The following TP63 variants were observed in gnomAD, a reference collection of about 807,000 sequenced individuals.
TP63 encodes tumor protein p63, also known as tumor protein 63.
In TP63, 17 loss-of-function variants were observed where a neutral mutation model predicts 82.8. The observed-to-expected ratio is 0.21, with a 90% CI of 0.14 to 0.31. The LOEUF is 0.31. Among genes scored for constraint, TP63 ranks in the 10% least tolerant of loss-of-function variants. TP63 has a pLI of 1.00. For synonymous variants in TP63, 330 were observed against 321.7 expected (o/e 1.03, Z -0.28); for missense variants, 648 against 895.3 (o/e 0.72, Z 3.52).
intron 10 of TP63, chr3:189,880,998 TC>T (rs1719850235): frequency 2.0e-6 from 2 of 985,256 alleles, no homozygotes; most frequent in Non-Finnish European, 2.4e-6. Flanking sequence ...GAAAGACAAA[TC>T]CACCCCAGTA....
intron 3 of TP63, among the ~76,000 whole-genome samples, chr3:189,767,722 G>C (rs1723054794): frequency 6.6e-6 from 1 of 152,086 alleles, no homozygotes; most frequent in South Asian, 2.1e-4. Flanking sequence ...TTGTCTGATA[G>C]ACAATAGAAA....
chr3:189,625,818 A>G, the TP63 span, among the ~76,000 whole-genome samples: 1 of 152,146 alleles, frequency 6.6e-6, no homozygotes, highest in Non-Finnish European at 1.5e-5. Context: ...ACAGCTGTTC[A>G]GGGATGTCTG....
chr3:189,805,160 C>T (rs1430242872), intron 3 of TP63, among the ~76,000 whole-genome samples: 1 of 152,186 alleles, frequency 6.6e-6, no homozygotes, highest in African/African-American at 2.4e-5. Flanking sequence ...CCAAAGGACT[C>T]TTGTGACTCC....
At chr3:189,686,942 G>T (rs1199754605) in intron 1 of TP63, among the ~76,000 whole-genome samples, 1 of 151,980 alleles carries the variant, frequency 6.6e-6, no homozygotes, top group African/African-American at 2.4e-5. Flanking sequence ...TATTGGTCAG[G>T]CTGGTCTTGA....
chr3:189,633,108 T>C (rs1560072781), intron 1 of TP63, among the ~76,000 whole-genome samples: 1 of 152,060 alleles, frequency 6.6e-6, no homozygotes, highest in Non-Finnish European at 1.5e-5. Context: ...CCTATAAATA[T>C]AAAGAAATAG....
chr3:189,643,830 T>G (rs1000808642), intron 1 of TP63, among the ~76,000 whole-genome samples: 1 of 152,184 alleles, frequency 6.6e-6, no homozygotes, highest in Non-Finnish European at 1.5e-5. Context: ...TATCATATTT[T>G]TTAGACAACA....
chr3:189,894,147 C>T (rs929441602), intron 13 of TP63, 59 bp from the exon 14 acceptor site: 3 of 1,603,788 alleles, frequency 1.9e-6, no homozygotes, highest in African/African-American at 2.7e-5. Flanking sequence ...ATGCTGTGGA[C>T]TAAATGTCCG....
intron 1 of TP63, among the ~76,000 whole-genome samples, chr3:189,734,014 G>C (rs879746219): frequency 2.0e-5 from 3 of 151,696 alleles, no homozygotes; most frequent in Non-Finnish European, 4.4e-5. Context: ...TAGAGACATA[G>C]TTTTCTTCCT....
chr3:189,701,720 A>G (rs2108740707), intron 1 of TP63, among the ~76,000 whole-genome samples: 1 of 151,984 alleles, frequency 6.6e-6, no homozygotes, highest in East Asian at 1.9e-4. Context: ...ATGTTCTGAT[A>G]AGGCGCTCCA....
intron 1 of TP63, among the ~76,000 whole-genome samples, chr3:189,644,612 T>G (rs1049848255): frequency 6.6e-6 from 1 of 152,158 alleles, no homozygotes; most frequent in African/African-American, 2.4e-5. Flanking sequence ...TCTGGGATTC[T>G]GGTGCACCCA....
chr3:189,889,543 G>T lies in TP63; in HGVS notation c.1652+59G>T. 12 of 1,610,936 alleles carry T rather than the reference G, an allele frequency of 7.4e-6. No homozygotes were observed. The highest frequency in any genetic ancestry group is 1.0e-5 in the Non-Finnish European group (12 of 1,177,300). Reference sequence around the variant, plus strand: ...CCTAAGCATCCCGGGATGGTGGAGGGCGGATACTGTTATAGTCCATAAAAC... The same window carrying T: ...CCTAAGCATCCCGGGATGGTGGAGGTCGGATACTGTTATAGTCCATAAAAC... On this transcript the variant is annotated intron_variant, in intron 12 of 13. Transcript: ENST00000264731.
upstream of TP63, among the ~76,000 whole-genome samples, chr3:189,628,683 A>C (rs191283572): frequency 1.7e-4 from 26 of 152,294 alleles, no homozygotes; most frequent in African/African-American, 6.0e-4. Flanking sequence ...AGTCTTGGAA[A>C]AGTTTCCACC....
intron 1 of TP63, among the ~76,000 whole-genome samples, chr3:189,674,671 C>T (rs776702402): frequency 3.9e-5 from 6 of 152,110 alleles, no homozygotes; most frequent in Non-Finnish European, 7.4e-5. Context: ...ATCCAGGCTG[C>T]GTGTGTACCA....
intron 4 of TP63, among the ~76,000 whole-genome samples, chr3:189,810,912 A>G (rs903278717): frequency 1.3e-5 from 2 of 152,120 alleles, no homozygotes; most frequent in African/African-American, 4.8e-5. Flanking sequence ...ATCCTAAACC[A>G]TCACTCAAAG....
intron 1 of TP63, among the ~76,000 whole-genome samples, chr3:189,633,984 T>G (rs1009086380): frequency 1.3e-5 from 2 of 152,148 alleles, no homozygotes; most frequent in South Asian, 2.1e-4. Flanking sequence ...ATTACTATTT[T>G]CCAACCTTTA....
At chr3:189,767,824 C>A (rs1723061857) in intron 3 of TP63, among the ~76,000 whole-genome samples, 1 of 152,140 alleles carries the variant, frequency 6.6e-6, no homozygotes, top group Admixed American at 6.5e-5. Flanking sequence ...GACAAAAGAG[C>A]TACCTTAGAA....
intron 10 of TP63, chr3:189,880,886 T>G (rs779653733): frequency 1.7e-5 from 17 of 985,246 alleles, no homozygotes; most frequent in Non-Finnish European, 1.9e-5. Flanking sequence ...TTGGCATCTG[T>G]TATGCTAAAG....
intron 1 of TP63, among the ~76,000 whole-genome samples, chr3:189,645,064 T>C (rs959166405): frequency 3.9e-5 from 6 of 152,198 alleles, no homozygotes; most frequent in Admixed American, 3.9e-4. Context: ...TAATTTGTTA[T>C]GTACCTGTTA....
At chr3:189,816,394 G>T (rs183311985) in intron 4 of TP63, among the ~76,000 whole-genome samples, 3 of 152,070 alleles carry the variant, frequency 2.0e-5, no homozygotes, top group Non-Finnish European at 2.9e-5. Context: ...TCTCCTGTTC[G>T]CATTCCCCAA....
Sources: allele counts gnomAD v4.1 joint callset (sites outside exome capture counted in the v4.1 genomes callset), GRCh38; gene constraint gnomAD v4.1.1; transcripts MANE v1.5; gene names NCBI Gene and HGNC (gene_info 2026-07-23, HGNC 2026-07-21).